AGAP1: variants seen among roughly 807,000 people sequenced by gnomAD.
The protein encoded by AGAP1 is arf-GAP with GTPase, ANK repeat and PH domain-containing protein 1.
In AGAP1, 29 loss-of-function variants were observed where a neutral mutation model predicts 105.3. That is an observed-to-expected ratio of 0.28 (90% confidence interval 0.21 to 0.38). The LOEUF is 0.38. Ranked by LOEUF, AGAP1 falls within the 10% of genes least tolerant of loss-of-function variation. The probability of loss-of-function intolerance (pLI) is 1.00; values close to 1 mark genes in which losing one functional copy is unlikely to be tolerated. For missense variants in AGAP1, 998 were observed against 1,165.1 expected (o/e 0.86, Z 2.09); for synonymous variants, 509 against 485.9 (o/e 1.05, Z -0.63).
chr2:235,727,483 A>G (rs1239230980), intron 3 of AGAP1, among the ~76,000 whole-genome samples: 1 of 152,166 alleles, frequency 6.6e-6, no homozygotes, highest in African/African-American at 2.4e-5. Flanking sequence ...ACCTCTGGTA[A>G]GTGTCTCCTT....
intron 1 of AGAP1, among the ~76,000 whole-genome samples, chr2:235,554,127 C>A (rs978920867): frequency 2.0e-5 from 3 of 152,206 alleles, no homozygotes; most frequent in Admixed American, 6.5e-5. Flanking sequence ...GAAGGTAGGA[C>A]TTTTGGGAGA....
At chr2:235,800,964 G>A (rs775857815) in intron 8 of AGAP1, among the ~76,000 whole-genome samples, 27 of 152,302 alleles carry the variant, frequency 1.8e-4, no homozygotes, top group Admixed American at 3.3e-4. Context: ...GCCCCTTTGT[G>A]AATCTGATCT....
chr2:235,513,387 G>A (rs1307729172), intron 1 of AGAP1, among the ~76,000 whole-genome samples: 8 of 152,054 alleles, frequency 5.3e-5, no homozygotes, highest in Admixed American at 5.2e-4. Flanking sequence ...CAGTAGTGGT[G>A]GCAGGCGCCT....
chr2:235,723,804 C>T lies in AGAP1; in HGVS notation c.310+6160C>T, dbSNP rs866717101. ...TTGGTTGGTTGGTTGGTTGGTTGGT[C>T]GATCGACAGAGACTTAAGAATGTTC... On this transcript the variant is annotated intron_variant, in intron 3 of 17. Transcript: ENST00000304032. This position sits in a 1 kb window ranked among gnomAD's most constrained non-coding sequence, Gnocchi z 6.2. Among the ~76,000 whole-genome samples, 329 of 93,074 alleles carry T rather than the reference C, an allele frequency of 3.5e-3. No individual in the cohort carries two copies. The highest frequency in any genetic ancestry group is 0.013 in the African/African-American group (307 of 24,388). The allele number at this position is 93,074 out of a possible 152,430, so 61.1% of individuals were successfully genotyped here. A position where few individuals can be genotyped will look rare whatever the true frequency, so the allele number is the denominator to read the frequency against.
At chr2:235,902,376 A>T (rs559718311) in intron 10 of AGAP1, among the ~76,000 whole-genome samples, 4 of 152,168 alleles carry the variant, frequency 2.6e-5, no homozygotes, top group African/African-American at 9.7e-5. Context: ...CTTAAAATCC[A>T]TCCAACTGAC....
At chr2:235,587,441 A>T (rs1263723381) in intron 1 of AGAP1, among the ~76,000 whole-genome samples, 1 of 152,118 alleles carries the variant, frequency 6.6e-6, no homozygotes, top group East Asian at 1.9e-4. Context: ...AGGACCGGAA[A>T]TGCATCATTT....
In AGAP1 at chr2:235,552,822, G is replaced by T. The variant is rs1218554623; in HGVS notation, c.163+57973G>T. ...TGCAGTGCCTGACAGAGTGTGATGG[G>T]CCCCATCTCTCTCTGCTGAGCCGGG... On this transcript the variant is annotated intron_variant, in intron 1 of 17. Coordinates refer to ENST00000304032, the MANE Select transcript of AGAP1 (RefSeq NM_001037131.3). The surrounding 1 kb of genome is among the most constrained non-coding windows in gnomAD (Gnocchi z 5.9). Among the ~76,000 whole-genome samples the T allele has an allele frequency of 1.3e-5, 2 of 152,162 alleles. No homozygotes were observed. The highest frequency in any genetic ancestry group is 2.9e-5 in the Non-Finnish European group (2 of 68,032).
chr2:235,968,706 C>T, intron 13 of AGAP1, 83 bp downstream of exon 13: 2 of 1,413,378 alleles, frequency 1.4e-6, no homozygotes, highest in South Asian at 2.5e-5. Flanking sequence ...AATTAGACAC[C>T]CTTAGCACAA....
chr2:235,545,884 T>C (rs1943606720), intron 1 of AGAP1, among the ~76,000 whole-genome samples: 1 of 152,152 alleles, frequency 6.6e-6, no homozygotes, highest in Non-Finnish European at 1.5e-5. Context: ...TCGTAGGCAT[T>C]GCTGAGTATT....
intron 1 of AGAP1, among the ~76,000 whole-genome samples, chr2:235,568,126 C>T (rs1364024500): frequency 1.3e-5 from 2 of 152,058 alleles, no homozygotes; most frequent in Non-Finnish European, 2.9e-5. Context: ...CCCTCAGGGA[C>T]CCTGGACAGC....
chr2:235,607,140 G>A (rs1945969191), intron 1 of AGAP1, among the ~76,000 whole-genome samples: 1 of 152,034 alleles, frequency 6.6e-6, no homozygotes, highest in African/African-American at 2.4e-5. Flanking sequence ...ATTCGTTAAG[G>A]GGCAGAAGTG....
At chr2:235,932,856 G>A (rs932971036) in intron 12 of AGAP1, among the ~76,000 whole-genome samples, 1 of 152,226 alleles carries the variant, frequency 6.6e-6, no homozygotes, top group Non-Finnish European at 1.5e-5. Flanking sequence ...TCTTTCCATG[G>A]AAGTGGGCTG....
At position 235,864,586 on chromosome 2, in the gene AGAP1, A is replaced by AT. The variant is rs1356728335; in HGVS notation, c.1051-18757dup. ...GCCTGCAGAGGTGTCACCAGCAGCC[A>AT]TTAAGTGCAGATACTGTCGTCCCTG... On this transcript the variant is annotated intron_variant, in intron 9 of 17. Transcript: ENST00000304032. The surrounding 1 kb of genome is among the most constrained non-coding windows in gnomAD (Gnocchi z 5.0). Among the ~76,000 whole-genome samples, 2 of 152,212 alleles carry AT rather than the reference A, an allele frequency of 1.3e-5. No individual in the cohort carries two copies. Among genetic ancestry groups the AT allele is most frequent in the Admixed American group, 1.3e-4 (2 of 15,282 alleles).
At chr2:235,829,621 G>A (rs897519519) in intron 9 of AGAP1, among the ~76,000 whole-genome samples, 14 of 152,232 alleles carry the variant, frequency 9.2e-5, no homozygotes, top group Non-Finnish European at 1.6e-4. Context: ...ATTGCGAAGA[G>A]ATTTTTTATA....
At chr2:235,806,302 ATGGAG>A (rs1188232383) in intron 8 of AGAP1, among the ~76,000 whole-genome samples, 5 of 152,202 alleles carry the variant, frequency 3.3e-5, no homozygotes, top group Admixed American at 6.5e-5. Context: ...TTGAAAAGTA[ATGGAG>A]TGAAGTTGTC....
chr2:236,018,891 C>T (rs912088243), intron 13 of AGAP1, among the ~76,000 whole-genome samples: 8 of 152,174 alleles, frequency 5.3e-5, no homozygotes, highest in East Asian at 1.9e-4. Flanking sequence ...CCAGTCTCCC[C>T]GACACTGCGA....
intron 6 of AGAP1, among the ~76,000 whole-genome samples, chr2:235,797,447 C>T (rs369191497): frequency 1.3e-5 from 2 of 151,640 alleles, no homozygotes; most frequent in African/African-American, 4.9e-5. Flanking sequence ...GAAAAACATA[C>T]GAGAATTTAG....
chr2:235,590,715 ATTTTTTTTTTT>A (rs67076321), intron 1 of AGAP1, among the ~76,000 whole-genome samples: 3 of 53,714 alleles, frequency 5.6e-5, no homozygotes, highest in Non-Finnish European at 9.8e-5. Context: ...GTGTGTGTGC[ATTTTTTTTTTT>A]TTTTTTTTTT....
intron 5 of AGAP1, among the ~76,000 whole-genome samples, chr2:235,746,526 G>A (rs1447581585): frequency 6.6e-6 from 1 of 151,416 alleles, no homozygotes; most frequent in Non-Finnish European, 1.5e-5. Flanking sequence ...GTGTTCACCA[G>A]GAGACAAGGC....
Sources: gnomAD v4.1 joint callset for allele counts (sites outside exome capture counted in the v4.1 genomes callset) on GRCh38, gnomAD v4.1.1 for gene constraint, Gnocchi (gnomAD v3.1) non-coding constraint, MANE v1.5 for transcripts, NCBI Gene and HGNC (gene_info 2026-07-23, HGNC 2026-07-21) for gene names.